Variants in PPP2R2C observed in about 807,000 individuals in gnomAD.
PPP2R2C encodes the protein protein phosphatase 2, regulatory subunit B, gamma.
In PPP2R2C, 10 loss-of-function variants were observed where a neutral mutation model predicts 45.3. The ratio of observed to expected loss-of-function variants is 0.22; its 90% CI spans 0.14 to 0.37. The LOEUF is 0.37. PPP2R2C is among the 10% of genes least tolerant of loss of function. PPP2R2C has a pLI of 1.00. For synonymous variants in PPP2R2C, 257 were observed against 245.4 expected (o/e 1.05, Z -0.44); for missense variants, 308 against 619.7 (o/e 0.50, Z 5.34).
chr4:6,469,172 G>A (rs1211260191), intron 1 of PPP2R2C, among the ~76,000 whole-genome samples: 1 of 150,280 alleles, frequency 6.7e-6, no homozygotes, highest in African/African-American at 2.5e-5. Context: ...CTCTTCCTAA[G>A]ATGTTTGAGA....
chr4:6,515,059 A>G (rs1473411533), intron 2 of PPP2R2C, among the ~76,000 whole-genome samples: 1 of 151,844 alleles, frequency 6.6e-6, no homozygotes, highest in Non-Finnish European at 1.5e-5. Context: ...CAAAGACCCA[A>G]CTTCCACATG....
intron 1 of PPP2R2C, among the ~76,000 whole-genome samples, chr4:6,543,761 T>C (rs1442816913): frequency 1.3e-5 from 2 of 152,206 alleles, no homozygotes; most frequent in Non-Finnish European, 1.5e-5. Context: ...CTGCTACCTA[T>C]GACCTCACAT....
chr4:6,419,520 A>C (rs1718826674), intron 1 of PPP2R2C, among the ~76,000 whole-genome samples: 1 of 152,210 alleles, frequency 6.6e-6, no homozygotes, highest in Non-Finnish European at 1.5e-5. Context: ...AATATCTACT[A>C]TCAGGCCCTT....
At chr4:6,490,437 T>A (rs1472171876) in intron 2 of PPP2R2C, among the ~76,000 whole-genome samples, 1 of 152,218 alleles carries the variant, frequency 6.6e-6, no homozygotes, top group Non-Finnish European at 1.5e-5. Context: ...TATTAACTAT[T>A]CATTAATTTT....
chr4:6,443,176 CT>C (rs1032003673), intron 1 of PPP2R2C, among the ~76,000 whole-genome samples: 24 of 152,296 alleles, frequency 1.6e-4, no homozygotes, highest in Admixed American at 1.2e-3. Context: ...CGGCACCACT[CT>C]TGTTAGGATC....
intron 2 of PPP2R2C, among the ~76,000 whole-genome samples, chr4:6,508,778 A>G (rs967856705): frequency 3.3e-5 from 5 of 152,174 alleles, no homozygotes; most frequent in African/African-American, 1.2e-4. Context: ...GAGCACACGC[A>G]CAACTTCAGT....
intron 1 of PPP2R2C, among the ~76,000 whole-genome samples, chr4:6,543,556 A>G (rs1724877064): frequency 6.6e-6 from 1 of 152,178 alleles, no homozygotes; most frequent in Non-Finnish European, 1.5e-5. Context: ...CCCCGTCTCT[A>G]CTAAAAATAC....
At chr4:6,421,788 C>T (rs1249055458) in intron 1 of PPP2R2C, among the ~76,000 whole-genome samples, 1 of 152,184 alleles carries the variant, frequency 6.6e-6, no homozygotes, top group Admixed American at 6.5e-5. Flanking sequence ...TTCCTGCCCA[C>T]CCACTTCACA....
At chr4:6,510,314 C>A (rs1052811650) in intron 2 of PPP2R2C, among the ~76,000 whole-genome samples, 3 of 151,826 alleles carry the variant, frequency 2.0e-5, no homozygotes, top group African/African-American at 7.3e-5. Context: ...ACCAGCTGGG[C>A]ACTTACCATC....
At chr4:6,541,560 T>G (rs1724803111) in intron 1 of PPP2R2C, among the ~76,000 whole-genome samples, 1 of 152,092 alleles carries the variant, frequency 6.6e-6, no homozygotes, top group Admixed American at 6.6e-5. Context: ...GTTTGTTTGT[T>G]TGGTGAGACA....
At chr4:6,375,732 G>C (rs1715244759) in intron 4 of PPP2R2C, 87 bp downstream of exon 4, 3 of 1,181,788 alleles carry the variant, frequency 2.5e-6, no homozygotes, top group African/African-American at 1.5e-5. Context: ...ACCTGACTCT[G>C]GCTCAAATCT....
intron 1 of PPP2R2C, among the ~76,000 whole-genome samples, chr4:6,433,406 G>A (rs938021617): frequency 1.3e-5 from 2 of 152,192 alleles, no homozygotes; most frequent in Non-Finnish European, 1.5e-5. Flanking sequence ...CCTACACTTG[G>A]TATTGTAAGA....
intron 2 of PPP2R2C, among the ~76,000 whole-genome samples, chr4:6,528,127 C>G (rs1426615287): frequency 6.6e-6 from 1 of 152,230 alleles, no homozygotes; most frequent in Non-Finnish European, 1.5e-5. Context: ...GAAACTGGCC[C>G]GTGTTTTCAG....
At chr4:6,406,132 G>T (rs976323765) in intron 1 of PPP2R2C, among the ~76,000 whole-genome samples, 2 of 152,086 alleles carry the variant, frequency 1.3e-5, no homozygotes, top group African/African-American at 4.8e-5. Flanking sequence ...ATTTATTTTT[G>T]AACAATTTGA....
At chr4:6,386,880 G>GAAATAT (rs1716253382) in intron 1 of PPP2R2C, among the ~76,000 whole-genome samples, 1 of 151,940 alleles carries the variant, frequency 6.6e-6, no homozygotes, top group Non-Finnish European at 1.5e-5. Flanking sequence ...TCTCAGCAGA[G>GAAATAT]AAATATAAAC....
rs1725643783 is a variant in PPP2R2C, at chr4:6,563,290, C to G, written c.-59+270G>C. Among the ~76,000 whole-genome samples, 1 of 152,102 alleles carries G rather than the reference C, an allele frequency of 6.6e-6. No individual in the cohort carries two copies. Among genetic ancestry groups the G allele is most frequent in the African/African-American group, 2.4e-5 (1 of 41,432 alleles). ...CCGGTTCTGTCGGGTTCCCTCAAGA[C>G]CCCGAGAGCACGCGCTCCGGAGGGA... On this transcript the variant is annotated intron_variant, in intron 1 of 9. Coordinates refer to the PPP2R2C transcript ENST00000506140. This position sits in a 1 kb window ranked among gnomAD's most constrained non-coding sequence, Gnocchi z 5.8.
rs543648592 is a variant in PPP2R2C, at chr4:6,376,883, C to T, written c.335-952G>A. 9.5e-4 allele frequency among the ~76,000 whole-genome samples: 144 copies of T among 152,274 alleles called. 1 individual carries two copies. Among genetic ancestry groups the T allele is most frequent in the African/African-American group, 3.3e-3 (138 of 41,556 alleles). On this transcript the variant is annotated intron_variant, in intron 3 of 8. Coordinates refer to ENST00000382599, the MANE Select transcript of PPP2R2C (RefSeq NM_020416.4). ...TGGCTCAGGTGACAGATTTGCTGGG[C>T]AGGGCCCCTTAGGGGACACAGATCC...
chr4:6,545,542 C>G (rs753999086), intron 1 of PPP2R2C, among the ~76,000 whole-genome samples: 5 of 152,168 alleles, frequency 3.3e-5, no homozygotes, highest in Non-Finnish European at 7.3e-5. Context: ...GAACCAGACA[C>G]CAAGGAAGAG....
intron 1 of PPP2R2C, among the ~76,000 whole-genome samples, chr4:6,454,417 G>A (rs990956394): frequency 6.6e-6 from 1 of 152,152 alleles, no homozygotes; most frequent in Non-Finnish European, 1.5e-5. Flanking sequence ...CTGGGTATCT[G>A]GGGATACTTG....
Sources: gnomAD v4.1 joint callset for allele counts (sites outside exome capture counted in the v4.1 genomes callset) on GRCh38, gnomAD v4.1.1 for gene constraint, Gnocchi (gnomAD v3.1) non-coding constraint, MANE v1.5 for transcripts, NCBI Gene and HGNC (gene_info 2026-07-23, HGNC 2026-07-21) for gene names.